Variants in GRM8 observed in about 807,000 individuals in gnomAD.
GRM8 encodes metabotropic glutamate receptor 8.
GRM8 carries 47 observed loss-of-function variants against 87.2 expected under a neutral mutation model. The ratio of observed to expected loss-of-function variants is 0.54; its 90% CI spans 0.43 to 0.69. The LOEUF is 0.69. Ranked by LOEUF, GRM8 falls within the 30% of genes least tolerant of loss-of-function variation. The pLI is 0.00. For synonymous variants in GRM8, 396 were observed against 404.5 expected, an observed-to-expected ratio of 0.98 and a Z score of 0.25; for missense variants, 1,019 against 1,139.2, an observed-to-expected ratio of 0.89 and a Z score of 1.52.
At chr7:127,125,765 A>AACACACACACACAC (rs375563287) in intron 2 of GRM8, among the ~76,000 whole-genome samples, 4,052 of 141,068 alleles carry the variant, frequency 0.029, 79 homozygotes, top group South Asian at 0.052. Flanking sequence ...CAAACAACTA[A>AACACACACACACAC]ACACACACAC....
chr7:126,662,269 C>T (rs138689250), intron 7 of GRM8, among the ~76,000 whole-genome samples: 143 of 152,168 alleles, frequency 9.4e-4, no homozygotes, highest in Admixed American at 4.7e-3. Context: ...TAAGTCTGGC[C>T]ACCAAGTAGA....
chr7:127,107,928 A>G (rs1563516486), intron 2 of GRM8, among the ~76,000 whole-genome samples: 2 of 152,328 alleles, frequency 1.3e-5, no homozygotes, highest in East Asian at 1.9e-4. Flanking sequence ...GGAGCTGTCC[A>G]TGGTGCTGAC....
intron 9 of GRM8, among the ~76,000 whole-genome samples, chr7:126,484,847 C>T (rs1807164191): frequency 6.6e-6 from 1 of 151,190 alleles, no homozygotes; most frequent in Non-Finnish European, 1.5e-5. Context: ...CTGGGTAAGG[C>T]TGTGCTAGCA....
chr7:127,205,075 G>C (rs1287573134), intron 2 of GRM8, among the ~76,000 whole-genome samples: 1 of 152,172 alleles, frequency 6.6e-6, no homozygotes, highest in Non-Finnish European at 1.5e-5. Flanking sequence ...AAACTGTGCT[G>C]ATCCTGATTG....
At chr7:126,843,017 T>G (rs1467986038) in intron 6 of GRM8, among the ~76,000 whole-genome samples, 1 of 152,222 alleles carries the variant, frequency 6.6e-6, no homozygotes, top group Non-Finnish European at 1.5e-5. Context: ...GCATTTAATT[T>G]GCAAACAATT....
At chr7:126,834,826 T>C (rs112694796) in intron 6 of GRM8, among the ~76,000 whole-genome samples, 73 of 152,198 alleles carry the variant, frequency 4.8e-4, no homozygotes, top group African/African-American at 1.5e-3. Flanking sequence ...ATAGGCTGGG[T>C]TGGGGCTCAC....
chr7:126,643,319 A>AATATAT (rs1198296006), intron 7 of GRM8, among the ~76,000 whole-genome samples: 29 of 36,168 alleles, frequency 8.0e-4, no homozygotes, highest in African/African-American at 1.4e-3. Context: ...AAAAAAAAAA[A>AATATAT]ATATATATAT....
intron 6 of GRM8, among the ~76,000 whole-genome samples, chr7:126,808,565 C>T (rs558784827): frequency 1.6e-4 from 25 of 152,278 alleles, no homozygotes; most frequent in African/African-American, 5.8e-4. Context: ...CTTTGTTCAG[C>T]CTCTTCCTTA....
chr7:126,516,744 G>A (rs1812225602), intron 9 of GRM8, among the ~76,000 whole-genome samples: 1 of 152,042 alleles, frequency 6.6e-6, no homozygotes, highest in Non-Finnish European at 1.5e-5. Flanking sequence ...CATAGTATAA[G>A]TGGACCAAAT....
chr7:126,711,593 T>C (rs1811099942), intron 7 of GRM8, among the ~76,000 whole-genome samples: 1 of 152,224 alleles, frequency 6.6e-6, no homozygotes, highest in South Asian at 2.1e-4. Flanking sequence ...TTTTGAAGCT[T>C]TGAGGCCAGG....
chr7:126,985,218 C>T (rs959992585), intron 3 of GRM8, among the ~76,000 whole-genome samples: 1 of 152,162 alleles, frequency 6.6e-6, no homozygotes. Flanking sequence ...TCTTTTTCCA[C>T]AGGGTATAAG....
At chr7:126,891,205 C>T (rs1800969034) in intron 6 of GRM8, among the ~76,000 whole-genome samples, 1 of 152,042 alleles carries the variant, frequency 6.6e-6, no homozygotes. Flanking sequence ...AATTGCCAAG[C>T]CCTACATATA....
intron 7 of GRM8, among the ~76,000 whole-genome samples, chr7:126,673,515 C>A (rs1328781996): frequency 6.6e-6 from 1 of 152,128 alleles, no homozygotes; most frequent in Non-Finnish European, 1.5e-5. Context: ...AGGAAACATG[C>A]AAAGACAGGA....
intron 2 of GRM8, among the ~76,000 whole-genome samples, chr7:127,161,962 T>A (rs1046237324): frequency 7.2e-5 from 11 of 152,114 alleles, no homozygotes; most frequent in Admixed American, 5.9e-4. Flanking sequence ...TACTTCCTCA[T>A]CACATCAACT....
intron 2 of GRM8, among the ~76,000 whole-genome samples, chr7:127,238,812 C>T (rs1043201039): frequency 6.6e-6 from 1 of 152,196 alleles, no homozygotes; most frequent in Non-Finnish European, 1.5e-5. Flanking sequence ...TGAGCAGGGC[C>T]ACCTGTATTC....
intron 9 of GRM8, among the ~76,000 whole-genome samples, chr7:126,459,634 T>C (rs1403277295): frequency 6.6e-6 from 1 of 151,492 alleles, no homozygotes; most frequent in Admixed American, 6.6e-5. Context: ...AAGAAAATAA[T>C]GGTGGGTATC....
chr7:126,847,446 C>A (rs1796805070), intron 6 of GRM8, among the ~76,000 whole-genome samples: 1 of 152,172 alleles, frequency 6.6e-6, no homozygotes, highest in African/African-American at 2.4e-5. Context: ...TATGACCCTG[C>A]AATCTGGGTA....
intron 7 of GRM8, among the ~76,000 whole-genome samples, chr7:126,616,775 G>C (rs1045031944): frequency 6.6e-6 from 1 of 152,148 alleles, no homozygotes; most frequent in Admixed American, 6.5e-5. Flanking sequence ...AGAAAATCTA[G>C]AAGAAATGGA....
At chr7:126,904,149 T>G in intron 4 of GRM8, 23 bp from the exon 5 acceptor site, 2 of 1,580,514 alleles carry the variant, frequency 1.3e-6, no homozygotes, top group East Asian at 2.2e-5. Context: ...AAATAAATAA[T>G]GCATATCACA....
Sources: allele counts gnomAD v4.1 joint callset (sites outside exome capture counted in the v4.1 genomes callset), GRCh38; gene constraint gnomAD v4.1.1; transcripts MANE v1.5; gene names NCBI Gene and HGNC (gene_info 2026-07-23, HGNC 2026-07-21).